BAMBI: variants seen among roughly 807,000 people sequenced by gnomAD.
BAMBI encodes the protein BMP and activin membrane-bound inhibitor homolog.
BAMBI carries 21 observed loss-of-function variants against 24.1 expected under a neutral mutation model. The ratio of observed to expected loss-of-function variants is 0.87; its 90% CI spans 0.62 to 1.26. The LOEUF (loss-of-function observed/expected upper bound fraction) is 1.26. Among genes scored for constraint, BAMBI ranks in the 50% most tolerant of loss-of-function variants. The pLI is 0.00. For missense variants in BAMBI, 388 were observed against 329.1 expected, an observed-to-expected ratio of 1.18 and a Z score of -1.38; for synonymous variants, 156 against 123.1, an observed-to-expected ratio of 1.27 and a Z score of -1.77.
intron 1 of BAMBI, among the ~76,000 whole-genome samples, chr10:28,679,584 G>A (rs1289328913): frequency 6.6e-6 from 1 of 151,972 alleles, no homozygotes; most frequent in Non-Finnish European, 1.5e-5. Flanking sequence ...AATTTTATTA[G>A]GCTGTTTTTA....
At position 28,682,514 on chromosome 10, in the gene BAMBI, A is replaced by ATG. The variant is rs1384479383; in HGVS notation, c.*114_*115dup. ...CATTTAATCATCTTTGAGAGACAAA[A>ATG]TGACCTCTGCAAACAGAATCTTGGA... On this transcript the variant is annotated 3_prime_UTR_variant, in exon 3 of 3. Transcript: ENST00000375533. The ATG allele has an allele frequency of 1.0e-6, 1 of 960,508 alleles. No individual in the cohort carries two copies. Among genetic ancestry groups the ATG allele is most frequent in the Non-Finnish European group, 1.5e-6 (1 of 647,612 alleles). 59.5% of individuals were successfully genotyped at this position (960,508 alleles called of 1,614,324 possible).
intron 2 of BAMBI, chr10:28,681,753 T>G: frequency 2.6e-6 from 2 of 754,762 alleles, no homozygotes; most frequent in Non-Finnish European, 4.2e-6. Context: ...TTTTGCCTGT[T>G]TTTTCAACAT....
In BAMBI at chr10:28,677,718, C is replaced by T. The variant is rs1834451086; in HGVS notation, c.-180C>T. The T allele has an allele frequency of 1.3e-5, 4 of 305,182 alleles. No homozygotes were observed. Among genetic ancestry groups the T allele is most frequent in the Admixed American group, 5.2e-5 (1 of 19,304 alleles). 18.9% of individuals were successfully genotyped at this position (305,182 alleles called of 1,614,324 possible). On this transcript the variant is annotated 5_prime_UTR_variant, in exon 1 of 3. Coordinates refer to ENST00000375533, the MANE Select transcript of BAMBI (RefSeq NM_012342.3). Reference sequence around the variant, plus strand: ...GGGGACCGGGAAACTTTTCTGGGCTCCTGGGCGCGCCCTGTAGCCGCGCTC... The same window carrying T: ...GGGGACCGGGAAACTTTTCTGGGCTTCTGGGCGCGCCCTGTAGCCGCGCTC...
intron 1 of BAMBI, 88 bp from the exon 2 acceptor site, chr10:28,681,166 ATGCC>A: frequency 7.3e-7 from 1 of 1,363,790 alleles, no homozygotes; most frequent in South Asian, 1.4e-5. Flanking sequence ...CTAAAAGTTC[ATGCC>A]TTTGAATTTG....
chr10:28,679,993 A>G (rs1163655977), intron 1 of BAMBI, among the ~76,000 whole-genome samples: 3 of 152,198 alleles, frequency 2.0e-5, no homozygotes, highest in Admixed American at 6.5e-5. Context: ...AAGCATTAGC[A>G]GCGTCCGGTG....
intron 1 of BAMBI, 29 bp downstream of exon 1, chr10:28,678,002 G>A (rs1482613856): frequency 1.3e-6 from 2 of 1,502,718 alleles, no homozygotes; most frequent in Non-Finnish European, 1.8e-6. Context: ...CGGGGCCCGG[G>A]GTCCCGTCCT....
chr10:28,678,926 C>T (rs1456569780), intron 1 of BAMBI, among the ~76,000 whole-genome samples: 1 of 152,084 alleles, frequency 6.6e-6, no homozygotes, highest in Non-Finnish European at 1.5e-5. Context: ...GTTCTCCTCA[C>T]CTCCCTGCTG....
chr10:28,681,234 G>A, intron 1 of BAMBI, 24 bp from the exon 2 acceptor site: 2 of 1,601,976 alleles, frequency 1.2e-6, no homozygotes, highest in Non-Finnish European at 1.7e-6. Context: ...AGCAGAGTTT[G>A]AGGTGGTTTC....
chr10:28,679,918 CT>C (rs1834480111), intron 1 of BAMBI, among the ~76,000 whole-genome samples: 1 of 152,156 alleles, frequency 6.6e-6, no homozygotes, highest in East Asian at 1.9e-4. Flanking sequence ...AGCAAGACCC[CT>C]AGCTTTGGAC....
chr10:28,677,985 G>A lies in BAMBI; in HGVS notation c.76+12G>A, dbSNP rs372471286. 1 of 1,512,832 alleles carries A rather than the reference G, an allele frequency of 6.6e-7. No individual in the cohort carries two copies. The highest frequency in any genetic ancestry group is 2.0e-5 in the Admixed American group (1 of 49,910). The allele number at this position is 1,512,832 out of a possible 1,614,324, so 93.7% of individuals were successfully genotyped here. ...GCTGCTCACCAAAGGTGGGTGCCGG[G>A]GGCGCACGGGGCCCGGGGTCCCGTC... On this transcript the variant is annotated intron_variant, in intron 1 of 2. Transcript: ENST00000375533.
At position 28,680,977 on chromosome 10, in the gene BAMBI, CTCATTACTA is replaced by C. The variant is rs1474553624; in HGVS notation, c.77-279_77-271del. ...ATACCTTATGGTAGGAGAAATTATACTCATTACTATTTCCTTCAAAAAGCAAAAGTTTTT... is the reference window on the plus strand; with the variant it reads ...ATACCTTATGGTAGGAGAAATTATACTTTCCTTCAAAAAGCAAAAGTTTTT... On this transcript the variant is annotated intron_variant, in intron 1 of 2. Coordinates refer to ENST00000375533, the MANE Select transcript of BAMBI (RefSeq NM_012342.3). Among the ~76,000 whole-genome samples, 22 of 152,148 alleles carry C rather than the reference CTCATTACTA, an allele frequency of 1.4e-4. 1 individual carries two copies. The highest frequency in any genetic ancestry group is 1.4e-3 in the Admixed American group (22 of 15,270).
At chr10:28,678,114 G>A (rs1355723586) in intron 1 of BAMBI, 141 bp downstream of exon 1, 14 of 713,450 alleles carry the variant, frequency 2.0e-5, no homozygotes, top group African/African-American at 5.6e-5. Flanking sequence ...TGTGTTCTTA[G>A]AAGTCGCGGC....
rs1054504638 is a variant in BAMBI at position 28,682,070 on chromosome 10, G to A, written c.452G>A (p.Arg151Gln). ...ELTSSKELWF[R>Q]AAVIAVPIAG... ...ACTTCTTCCAAAGAGTTGTGGTTCC[G>A]GGCAGCGGTCATTGCCGTGCCCATT... Residue 151 changes from arginine (R) to glutamine (Q), a missense_variant, in exon 3 of 3, where the codon CGG becomes CAG. Transcript: ENST00000375533. The A allele has an allele frequency of 7.4e-6, 12 of 1,613,976 alleles. No individual in the cohort carries two copies. Among genetic ancestry groups the A allele is most frequent in the Admixed American group, 1.7e-5 (1 of 59,976 alleles).
intron 2 of BAMBI, 45 bp downstream of exon 2, chr10:28,681,590 G>C: frequency 1.3e-6 from 2 of 1,590,496 alleles, no homozygotes; most frequent in Non-Finnish European, 1.7e-6. Context: ...CTGATCTATA[G>C]ACTTGTGACA....
intron 1 of BAMBI, among the ~76,000 whole-genome samples, chr10:28,678,290 C>T (rs940688504): frequency 9.2e-5 from 14 of 152,214 alleles, no homozygotes; most frequent in Non-Finnish European, 4.4e-5. Flanking sequence ...CTCGGGCGGC[C>T]GGGAGGAATC....
chr10:28,682,477 T>C lies in BAMBI; in HGVS notation c.*76T>C. The C allele has an allele frequency of 7.5e-7, 1 of 1,339,988 alleles. No individual in the cohort carries two copies. Among genetic ancestry groups the C allele is most frequent in the Non-Finnish European group, 1.0e-6 (1 of 972,662 alleles). The allele number at this position is 1,339,988 out of a possible 1,614,324, so 83.0% of individuals were successfully genotyped here. On this transcript the variant is annotated 3_prime_UTR_variant, in exon 3 of 3. Transcript: ENST00000375533. ...TTCTGCTGGACAGGAGCACTTTATC[T>C]GAAGACAAACTCATTTAATCATCTT... is the stretch of plus-strand genomic sequence containing the variant.
rs1834511041 is a variant in BAMBI, at chr10:28,682,500, C to G, written c.*99C>G. The G allele has an allele frequency of 8.8e-7, 1 of 1,131,762 alleles. No individual in the cohort carries two copies. Among genetic ancestry groups the G allele is most frequent in the South Asian group, 1.6e-5 (1 of 63,000 alleles). The allele number at this position is 1,131,762 out of a possible 1,614,324, so 70.1% of individuals were successfully genotyped here. A position where few individuals can be genotyped will look rare whatever the true frequency, so the allele number is the denominator to read the frequency against. On this transcript the variant is annotated 3_prime_UTR_variant, in exon 3 of 3. Transcript: ENST00000375533. ...TCTGAAGACAAACTCATTTAATCAT[C>G]TTTGAGAGACAAAATGACCTCTGCA...
Position 28,677,582 on chromosome 10 carries a change from T to TCG in BAMBI, c.-314_-313dup, listed in dbSNP as rs1834448845. 2 of 190,564 alleles carry TCG rather than the reference T, an allele frequency of 1.0e-5. No homozygotes were observed. Among genetic ancestry groups the TCG allele is most frequent in the Middle Eastern group, 2.0e-3 (1 of 508 alleles). 11.8% of individuals were successfully genotyped at this position (190,564 alleles called of 1,614,324 possible). A position where few individuals can be genotyped will look rare whatever the true frequency, so the allele number is the denominator to read the frequency against. On this transcript the variant is annotated 5_prime_UTR_variant, in exon 1 of 3. Transcript: ENST00000375533. ...GCGTGCTGTGGAGACCCTACTCTCT[T>TCG]CGCTGAGAACGGCCGCTAGCGGGGA...
rs1834453923 is a variant in BAMBI, at chr10:28,677,908, A to C, written c.11A>C (p.His4Pro). The change falls in exon 1 of 3, where the codon CAC (histidine) becomes CCC (proline). Residue 4 changes from histidine (H) to proline (P), a missense_variant. Coordinates refer to ENST00000375533, the MANE Select transcript of BAMBI (RefSeq NM_012342.3). MDR[H>P]SSYIFIWLQL... is the part of the protein sequence containing the mutation. ...CCGTGCGGGGCGTCAATGGATCGCC[A>C]CTCCAGCTACATCTTCATCTGGCTG... The C allele has an allele frequency of 6.6e-7, 1 of 1,517,708 alleles. No homozygotes were observed. Among genetic ancestry groups the C allele is most frequent in the African/African-American group, 1.4e-5 (1 of 70,250 alleles). The allele number at this position is 1,517,708 out of a possible 1,614,324, so 94.0% of individuals were successfully genotyped here.
Sources: gnomAD v4.1 joint callset for allele counts (sites outside exome capture counted in the v4.1 genomes callset) on GRCh38, gnomAD v4.1.1 for gene constraint, MANE v1.5 for transcripts, NCBI Gene and HGNC (gene_info 2026-07-23, HGNC 2026-07-21) for gene names.